Variants in DNAH11 observed in about 807,000 individuals in gnomAD.
DNAH11 encodes the protein axonemal beta dynein heavy chain 11.
DNAH11 carries 442 observed loss-of-function variants against 526.0 expected under a neutral mutation model. The ratio of observed to expected loss-of-function variants is 0.84; its 90% CI spans 0.78 to 0.91. DNAH11 has a LOEUF of 0.91. Ranked by LOEUF, DNAH11 falls within the 40% of genes least tolerant of loss-of-function variation. DNAH11 has a pLI of 0.00. For synonymous variants in DNAH11, 2,461 were observed against 1,935.9 expected (o/e 1.27, Z -7.12); for missense variants, 6,989 against 5,448.7 (o/e 1.28, Z -8.90).
intron 54 of DNAH11, among the ~76,000 whole-genome samples, chr7:21,764,813 A>G (rs958154973): frequency 6.6e-6 from 1 of 152,254 alleles, no homozygotes; most frequent in African/African-American, 2.4e-5. Flanking sequence ...ACAAAACTTT[A>G]GATTTACAGC....
chr7:21,606,336 A>AC (rs1320021608), intron 18 of DNAH11, 90 bp from the exon 19 acceptor site: 28 of 1,134,708 alleles, frequency 2.5e-5, no homozygotes, highest in Non-Finnish European at 3.5e-5. Context: ...AGAAAAAAAA[A>AC]AAAGAAAGAA....
chr7:21,789,813 T>TTTCTTTTTTCTTTCTTTCTTTCTTTC (rs1788377468), intron 61 of DNAH11, among the ~76,000 whole-genome samples: 1 of 85,562 alleles, frequency 1.2e-5, no homozygotes, highest in African/African-American at 4.6e-5. Flanking sequence ...TTCTTTTTTC[T>TTTCTTTTTTCTTTCTTTCTTTCTTTC]TTCTTTCTTT....
In DNAH11 at chr7:21,680,807, A is replaced by G. The variant is rs143185847; in HGVS notation, c.5329-739A>G. On this transcript the variant is annotated intron_variant, in intron 30 of 81. Transcript: ENST00000409508. The stretch of plus-strand genomic sequence containing the variant: ...TTTTCAGTAGTCATCACTATCTTGT[A>G]TTTTTAAAAACCAAAGCAAACACAA... Among the ~76,000 whole-genome samples, 1,063 of 152,336 alleles carry G rather than the reference A, an allele frequency of 7.0e-3. 9 individuals carry two copies. The highest frequency in any genetic ancestry group is 0.024 in the African/African-American group (986 of 41,576).
chr7:21,756,290 C>T (rs1032671758), intron 54 of DNAH11, among the ~76,000 whole-genome samples: 16 of 152,056 alleles, frequency 1.1e-4, no homozygotes, highest in African/African-American at 3.9e-4. Context: ...TCTCTTTTAT[C>T]ACTGATTTGA....
chr7:21,848,171 A>AG (rs1782493686), intron 66 of DNAH11, among the ~76,000 whole-genome samples: 1 of 151,624 alleles, frequency 6.6e-6, no homozygotes, highest in Admixed American at 6.6e-5. Flanking sequence ...TGTTTCAAAA[A>AG]AAAAAAAAAA....
intron 65 of DNAH11, among the ~76,000 whole-genome samples, chr7:21,820,418 T>G (rs774838606): frequency 1.4e-4 from 21 of 152,202 alleles, no homozygotes; most frequent in Non-Finnish European, 2.5e-4. Flanking sequence ...AAATTACCTT[T>G]GATTACATTT....
At chr7:21,557,559 A>G (rs1225735041) in intron 2 of DNAH11, among the ~76,000 whole-genome samples, 1 of 152,124 alleles carries the variant, frequency 6.6e-6, no homozygotes, top group Non-Finnish European at 1.5e-5. Context: ...CCCATTCATG[A>G]GGACTCAGCC....
chr7:21,900,056 A>AT lies in DNAH11; in HGVS notation c.13239_13240insT (p.Thr4414TyrfsTer34). On this transcript the variant is annotated frameshift_variant, in exon 81 of 82. Transcript: ENST00000409508. LOFTEE classifies it high-confidence loss of function. ...GCTTGACTGCTGATGTTACCAAAAA[A>AT]ACAAAGGAAGATTATGGACACCCGC... is the stretch of plus-strand genomic sequence containing the variant. 6.2e-7 allele frequency: 1 copy of AT among 1,614,022 alleles called. No homozygotes were observed. Among genetic ancestry groups the AT allele is most frequent in the Non-Finnish European group, 8.5e-7 (1 of 1,179,878 alleles).
chr7:21,546,016 T>G (rs936491230), intron 2 of DNAH11, among the ~76,000 whole-genome samples: 4 of 152,204 alleles, frequency 2.6e-5, no homozygotes, highest in African/African-American at 4.8e-5. Context: ...CCCAGGTGAT[T>G]CTAATGTACA....
rs185563514 is a variant in DNAH11 at position 21,650,773 on chromosome 7, G to A, written c.4945-5059G>A. On this transcript the variant is annotated intron_variant, in intron 28 of 81. Transcript: ENST00000409508. ...TCCTGCCTCAGCCTCCAGAGTAGCG[G>A]GGATTACAGGCACATGCTACCACAC... Among the ~76,000 whole-genome samples, 9 of 151,824 alleles carry A rather than the reference G, an allele frequency of 5.9e-5. No individual in the cohort carries two copies. In the East Asian group the frequency reaches 1.7e-3, roughly 29 times the overall value.
chr7:21,872,123 CAA>C (rs776718319), intron 73 of DNAH11, among the ~76,000 whole-genome samples: 1,589 of 30,678 alleles, frequency 0.052, 7 homozygotes, highest in South Asian at 0.14. Flanking sequence ...GACTCTGTCT[CAA>C]AAAAAAAAAA....
At chr7:21,812,507 A>C (rs1583724140) in intron 63 of DNAH11, among the ~76,000 whole-genome samples, 1 of 55,536 alleles carries the variant, frequency 1.8e-5, no homozygotes, top group Non-Finnish European at 3.3e-5. Context: ...TATCTATATG[A>C]AAAAAAAATT....
chr7:21,614,704 A>C (rs1397056050), intron 20 of DNAH11, among the ~76,000 whole-genome samples: 4 of 152,264 alleles, frequency 2.6e-5, no homozygotes, highest in Non-Finnish European at 1.5e-5. Context: ...GTATTTTTTA[A>C]ATCTGAAAGT....
At chr7:21,623,763 A>G (rs1786194407) in intron 25 of DNAH11, among the ~76,000 whole-genome samples, 1 of 151,666 alleles carries the variant, frequency 6.6e-6, no homozygotes, top group African/African-American at 2.4e-5. Context: ...GGAATGGAAC[A>G]ATGAGAACAC....
intron 45 of DNAH11, among the ~76,000 whole-genome samples, chr7:21,728,632 C>T (rs938460389): frequency 1.3e-5 from 2 of 152,198 alleles, no homozygotes; most frequent in East Asian, 3.9e-4. Flanking sequence ...ATATCATCTA[C>T]ATGATACATT....
intron 6 of DNAH11, among the ~76,000 whole-genome samples, chr7:21,566,823 A>G (rs187755013): frequency 8.5e-5 from 13 of 152,302 alleles, no homozygotes; most frequent in Non-Finnish European, 1.2e-4. Context: ...TTATCACTCT[A>G]TTATTAAAGC....
chr7:21,879,494 CAT>C (rs575331696), intron 74 of DNAH11, among the ~76,000 whole-genome samples: 223 of 152,004 alleles, frequency 1.5e-3, no homozygotes, highest in Non-Finnish European at 2.4e-3. Context: ...GGTCTAGACA[CAT>C]GTTTCCCAAT....
intron 77 of DNAH11, 86 bp from the exon 78 acceptor site, chr7:21,894,527 ATATATTCTGT>A: frequency 7.7e-7 from 1 of 1,293,836 alleles, no homozygotes; most frequent in Non-Finnish European, 1.1e-6. Flanking sequence ...AAGTCGTATG[ATATATTCTGT>A]AACTTCAAAA....
rs746206702 is a variant in DNAH11 at position 21,589,187 on chromosome 7, AG to A, written c.1974-20del. 2.5e-6 allele frequency: 4 copies of A among 1,575,070 alleles called. No individual in the cohort carries two copies. The highest frequency in any genetic ancestry group is 3.4e-6 in the Non-Finnish European group (4 of 1,165,978). On this transcript the variant is annotated intron_variant, in intron 11 of 81. Transcript: ENST00000409508. ...CTATCTAATATACGTATAAACCAGT[AG>A]AAAAACCTTATTCCTACAGATTTTT...
Sources: gnomAD v4.1 joint callset for allele counts (sites outside exome capture counted in the v4.1 genomes callset) on GRCh38, gnomAD v4.1.1 for gene constraint, MANE v1.5 for transcripts, NCBI Gene and HGNC (gene_info 2026-07-23, HGNC 2026-07-21) for gene names.